CD47: variants seen among roughly 807,000 people sequenced by gnomAD.
CD47 encodes the protein CD47 molecule.
A neutral mutation model predicts 44.6 loss-of-function variants in CD47; 11 were observed. The observed-to-expected ratio is 0.25, with a 90% CI of 0.16 to 0.41. CD47 has a LOEUF of 0.41. Among genes scored for constraint, CD47 ranks in the 10% least tolerant of loss-of-function variants. The pLI is 1.00. For missense variants in CD47, 306 were observed against 386.7 expected (o/e 0.79, Z 1.75); for synonymous variants, 140 against 136.3 (o/e 1.03, Z -0.19).
chr3:108,080,905 C>T (rs2079405144), intron 1 of CD47, among the ~76,000 whole-genome samples: 1 of 151,498 alleles, frequency 6.6e-6, no homozygotes, highest in Non-Finnish European at 1.5e-5. Context: ...CATATCTTTC[C>T]ACTAGGATGG....
intron 3 of CD47, 140 bp from the exon 4 acceptor site, chr3:108,060,992 T>C (rs545365538): frequency 3.4e-6 from 2 of 594,920 alleles, no homozygotes; most frequent in East Asian, 5.7e-5. Context: ...TATCATCAAG[T>C]CACCTCACAT....
intron 8 of CD47, 63 bp downstream of exon 8, chr3:108,051,876 C>A (rs1391510951): frequency 8.1e-7 from 1 of 1,235,010 alleles, no homozygotes; most frequent in Non-Finnish European, 1.2e-6. Context: ...TCTCAATTAC[C>A]AAGTTCCTCA....
intron 7 of CD47, among the ~76,000 whole-genome samples, chr3:108,054,964 A>G (rs1417450967): frequency 6.6e-6 from 1 of 152,162 alleles, no homozygotes; most frequent in African/African-American, 2.4e-5. Flanking sequence ...AACAAGCCCA[A>G]CTTTAGTGAG....
intron 9 of CD47, among the ~76,000 whole-genome samples, chr3:108,050,210 C>T (rs971652851): frequency 3.9e-5 from 6 of 152,072 alleles, no homozygotes; most frequent in African/African-American, 1.4e-4. Flanking sequence ...ATCTGCCTTC[C>T]GGGTTCAAGC....
chr3:108,085,287 T>C (rs1480082653), intron 1 of CD47, among the ~76,000 whole-genome samples: 1 of 152,068 alleles, frequency 6.6e-6, no homozygotes. Flanking sequence ...GTGCACACAT[T>C]AAGGGGTCGA....
At chr3:108,084,110 TTC>T (rs1419487156) in intron 1 of CD47, among the ~76,000 whole-genome samples, 23 of 151,906 alleles carry the variant, frequency 1.5e-4, no homozygotes, top group African/African-American at 4.8e-4. Context: ...CCCTCATACT[TTC>T]TCTCTCCCTA....
At chr3:108,050,543 T>C in intron 9 of CD47, 35 bp downstream of exon 9, 2 of 1,054,768 alleles carry the variant, frequency 1.9e-6, no homozygotes, top group Non-Finnish European at 2.8e-6. Flanking sequence ...CAAATTATGA[T>C]CTGGTAAAGG....
intron 2 of CD47, among the ~76,000 whole-genome samples, chr3:108,077,697 G>A (rs2079334647): frequency 1.3e-5 from 2 of 151,770 alleles, no homozygotes; most frequent in African/African-American, 4.8e-5. Flanking sequence ...TTCATACTAT[G>A]GACTACTACT....
In CD47 at chr3:108,080,080, T is replaced by C. The variant is rs369671811; in HGVS notation, c.311A>G (p.Asp104Gly). 8.1e-6 allele frequency: 13 copies of C among 1,613,136 alleles called. No homozygotes were observed. Among genetic ancestry groups the C allele is most frequent in the Middle Eastern group, 3.3e-4 (2 of 6,054 alleles). ...GDASLKMDKS[D>G]AVSHTGNYTC... ...GTAGTTTCCTGTGTGTGAGACAGCA[T>C]CACTCTTATCCATCTTCAAAGAGGC... Residue 104 changes from aspartate to glycine, a missense_variant, in exon 2 of 11, where the codon GAT (aspartate) becomes GGT (glycine). Around this residue, in one of 5 missense-constraint regions of CD47, gnomAD observed 47 missense variants for 36.2 expected, o/e 1.30. Coordinates refer to ENST00000361309, the MANE Select transcript of CD47 (RefSeq NM_001777.4).
chr3:108,089,611 T>C (rs1243641784), intron 1 of CD47, among the ~76,000 whole-genome samples: 1 of 152,178 alleles, frequency 6.6e-6, no homozygotes, highest in Non-Finnish European at 1.5e-5. Flanking sequence ...CTAAACGTGA[T>C]GACAGGAAAC....
intron 1 of CD47, among the ~76,000 whole-genome samples, chr3:108,085,993 T>A (rs1166882327): frequency 6.6e-6 from 1 of 152,146 alleles, no homozygotes; most frequent in Non-Finnish European, 1.5e-5. Flanking sequence ...CTATGAATGA[T>A]CTTCCTAGAG....
rs1025280588 is a variant in CD47, at chr3:108,081,053, C to A, written c.47-709G>T. 5.9e-5 allele frequency among the ~76,000 whole-genome samples: 9 copies of A among 151,934 alleles called. No individual in the cohort carries two copies. In the East Asian group the frequency reaches 1.3e-3, roughly 23 times the overall value. ...CCACCCCCACATTTCATTGACACTA[C>A]AGAACAACAGTCTCCAAATGTATAT... On this transcript the variant is annotated intron_variant, in intron 1 of 10. Transcript: ENST00000361309.
Position 108,090,873 on chromosome 3 carries a change from C to G in CD47, c.36G>C (p.Ser12=). 6.7e-7 allele frequency: 1 copy of G among 1,493,298 alleles called. No individual in the cohort carries two copies. Among genetic ancestry groups the G allele is most frequent in the Non-Finnish European group, 8.9e-7 (1 of 1,127,450 alleles). The allele number at this position is 1,493,298 out of a possible 1,614,324, so 92.5% of individuals were successfully genotyped here. ...WPLVAALLLG[S]ACCGSAQLLF... is the part of the protein sequence containing the mutation. ...CGAGGAGCCACTCACCGCAGCACGCCGAGCCCAGCAACAGCGCCGCTACCA... is the reference window on the plus strand; with the variant it reads ...CGAGGAGCCACTCACCGCAGCACGCGGAGCCCAGCAACAGCGCCGCTACCA... The change falls in exon 1 of 11, where the codon TCG becomes TCC. Residue 12 remains serine, a synonymous_variant. Coordinates refer to ENST00000361309, the MANE Select transcript of CD47 (RefSeq NM_001777.4).
At chr3:108,068,460 A>C (rs1466749778) in intron 3 of CD47, among the ~76,000 whole-genome samples, 1 of 152,210 alleles carries the variant, frequency 6.6e-6, no homozygotes, top group Non-Finnish European at 1.5e-5. Flanking sequence ...TCAGGTCAAC[A>C]TTCTGCTCTC....
At chr3:108,066,066 T>C (rs2079101668) in intron 3 of CD47, among the ~76,000 whole-genome samples, 1 of 152,162 alleles carries the variant, frequency 6.6e-6, no homozygotes, top group Admixed American at 6.5e-5. Context: ...CATGGCTGAA[T>C]TACTTTCATT....
intron 6 of CD47, 92 bp from the exon 7 acceptor site, chr3:108,057,661 T>C: frequency 1.5e-6 from 1 of 688,336 alleles, no homozygotes; most frequent in Non-Finnish European, 2.5e-6. Flanking sequence ...AGAGTTATTC[T>C]AACGATCAAA....
intron 4 of CD47, among the ~76,000 whole-genome samples, chr3:108,060,164 C>T (rs562941472): frequency 1.7e-4 from 26 of 152,290 alleles, no homozygotes; most frequent in Admixed American, 5.2e-4. Flanking sequence ...TGAAGTTTGC[C>T]TCTGTAGTGA....
intron 7 of CD47, among the ~76,000 whole-genome samples, chr3:108,055,936 T>C (rs2078906153): frequency 6.6e-6 from 1 of 152,100 alleles, no homozygotes; most frequent in Non-Finnish European, 1.5e-5. Context: ...ATGCTAGATA[T>C]GGAAGGCATG....
intron 1 of CD47, among the ~76,000 whole-genome samples, chr3:108,083,048 G>A (rs568500528): frequency 6.6e-6 from 1 of 152,076 alleles, no homozygotes; most frequent in African/African-American, 2.4e-5. Context: ...AAACAGCAAA[G>A]TGAAGAAACT....
Sources: allele counts gnomAD v4.1 joint callset (sites outside exome capture counted in the v4.1 genomes callset), GRCh38; gene constraint gnomAD v4.1.1; regional missense constraint gnomAD v4.1.1; transcripts MANE v1.5; gene names NCBI Gene and HGNC (gene_info 2026-07-23, HGNC 2026-07-21).